COL7A1: variants seen among roughly 807,000 people sequenced by gnomAD.
COL7A1 encodes collagen type VII alpha 1 chain, also known as collagen alpha-1(VII) chain.
A neutral mutation model predicts 456.2 loss-of-function variants in COL7A1; 296 were observed. The observed-to-expected ratio is 0.65, with a 90% confidence interval of 0.59 to 0.71. COL7A1 has a LOEUF of 0.71. COL7A1 is among the 30% of genes least tolerant of loss of function. The pLI is 0.00. For missense variants in COL7A1, 3,441 were observed against 4,017.2 expected (o/e 0.86, Z 3.88); for synonymous variants, 1,464 against 1,525.9 (o/e 0.96, Z 0.95).
rs773400450 is a variant in COL7A1, at chr3:48,575,515, G to A, written c.6004C>T (p.Arg2002Cys). The A allele has an allele frequency of 8.7e-6, 14 of 1,612,742 alleles. No homozygotes were observed. The highest frequency in any genetic ancestry group is 3.3e-5 in the South Asian group (3 of 91,086). ...TCTCCACGGTCGCCCTTCAGCCCGC[G>A]TTCTCCAGGAAAGCCGATGGGGCCC... Reference protein sequence around the residue: ...KEGPIGFPGERGLKGDRGDPG... With the variant: ...KEGPIGFPGECGLKGDRGDPG... The change falls in exon 74 of 119, where the codon CGC becomes TGC. Residue 2002 changes from arginine to cysteine, a missense_variant. Arg to Cys is a radical substitution (Grantham distance 180). Coordinates refer to ENST00000681320, the MANE Select transcript of COL7A1 (RefSeq NM_000094.4). This position sits in a 1 kb window ranked among gnomAD's most constrained non-coding sequence, Gnocchi z 6.3.
chr3:48,565,633 C>T lies in COL7A1; in HGVS notation c.8440+3G>A, dbSNP rs111639610. The T allele has an allele frequency of 1.2e-6, 2 of 1,613,834 alleles. No homozygotes were observed. Among genetic ancestry groups the T allele is most frequent in the African/African-American group, 1.3e-5 (1 of 74,896 alleles). Reference sequence around the variant, plus strand: ...AAAGTTCTGGGAGTAGAAAACTACTCACGTGATCCAGATGCGATGAACTGG... The same window carrying T: ...AAAGTTCTGGGAGTAGAAAACTACTTACGTGATCCAGATGCGATGAACTGG... On this transcript the variant is annotated splice_donor_region_variant and intron_variant, in intron 115 of 118. Coordinates refer to ENST00000681320, the MANE Select transcript of COL7A1 (RefSeq NM_000094.4). The surrounding 1 kb of genome is among the most constrained non-coding windows in gnomAD (Gnocchi z 4.5).
Position 48,588,966 on chromosome 3 carries a change from G to A in COL7A1, c.2344C>T (p.Leu782=). The part of the protein sequence containing the change: ...APEPVGRVSR[L]QILNASSDVL... ...TCGCTGGAAGCATTGAGGATCTGCAGCCTCGACACACGACCCACAGGCTCA... is the reference window on the plus strand; with the variant it reads ...TCGCTGGAAGCATTGAGGATCTGCAACCTCGACACACGACCCACAGGCTCA... The change falls in exon 19 of 119, where the codon CTG becomes TTG. Residue 782 remains leucine (L), a synonymous_variant. Coordinates refer to ENST00000681320, the MANE Select transcript of COL7A1 (RefSeq NM_000094.4). This position sits in a 1 kb window ranked among gnomAD's most constrained non-coding sequence, Gnocchi z 4.6. 6.2e-7 allele frequency: 1 copy of A among 1,613,564 alleles called. No homozygotes were observed. The highest frequency in any genetic ancestry group is 8.5e-7 in the Non-Finnish European group (1 of 1,180,044).
At position 48,588,461 on chromosome 3, in the gene COL7A1, C is replaced by A; in HGVS notation, c.2588-57G>T. 6.3e-7 allele frequency: 1 copy of A among 1,596,996 alleles called. No individual in the cohort carries two copies. The highest frequency in any genetic ancestry group is 1.7e-5 in the Admixed American group (1 of 59,248). ...CTGCCCCCATGGCCCCTGCACCAAT[C>A]CCAGGCCCACCCTGGCACACGCACC... On this transcript the variant is annotated intron_variant, in intron 20 of 118. Coordinates refer to ENST00000681320, the MANE Select transcript of COL7A1 (RefSeq NM_000094.4). This position sits in a 1 kb window ranked among gnomAD's most constrained non-coding sequence, Gnocchi z 4.6.
Position 48,590,883 on chromosome 3 carries a change from G to T in COL7A1, c.1637-67C>A. 1 of 1,367,588 alleles carries T rather than the reference G, an allele frequency of 7.3e-7. No individual in the cohort carries two copies. Among genetic ancestry groups the T allele is most frequent in the South Asian group, 1.1e-5 (1 of 87,522 alleles). 84.7% of individuals were successfully genotyped at this position (1,367,588 alleles called of 1,614,324 possible). On this transcript the variant is annotated intron_variant, in intron 13 of 118. Transcript: ENST00000681320. The surrounding 1 kb of genome is among the most constrained non-coding windows in gnomAD (Gnocchi z 4.6). ...GACAGGGATGTGGGACGATGGCAGT[G>T]ATGGACAGGGACGCAGAGTGAGAAG...
rs775842043 is a variant in COL7A1, at chr3:48,576,852, G to T, written c.5604+32C>A. ...ATATTCCCCCAGGGTCAGGGTCAGG[G>T]GTCAGAGGTTGCAGAAAACTCCAAT... On this transcript the variant is annotated intron_variant, in intron 67 of 118. Coordinates refer to ENST00000681320, the MANE Select transcript of COL7A1 (RefSeq NM_000094.4). 9 of 1,614,032 alleles carry T rather than the reference G, an allele frequency of 5.6e-6. No homozygotes were observed. The Admixed American group carries it at 8.3e-5, about 15-fold the overall frequency.
Position 48,583,878 on chromosome 3 carries a change from G to T in COL7A1, c.4278+22C>A. ...CCCACACCCCTGAGCAGGGCCCCCA[G>T]CAGAGCCTCAAGGCCCCTCACCGGC... On this transcript the variant is annotated intron_variant, in intron 39 of 118. Transcript: ENST00000681320. The surrounding 1 kb of genome is among the most constrained non-coding windows in gnomAD (Gnocchi z 5.1). 6.2e-7 allele frequency: 1 copy of T among 1,613,782 alleles called. No homozygotes were observed. The highest frequency in any genetic ancestry group is 8.5e-7 in the Non-Finnish European group (1 of 1,179,878).
rs751393338 is a variant in COL7A1 at position 48,579,411 on chromosome 3, G to A, written c.5272-7C>T. ...CTCGGACACCTGGGTCCCCCTGGAG[G>A]GAACAGGGTCAGATAAGAGGTGAGG... is the stretch of plus-strand genomic sequence containing the variant. On this transcript the variant is annotated splice_polypyrimidine_tract_variant and splice_region_variant and intron_variant, in intron 60 of 118. Coordinates refer to ENST00000681320, the MANE Select transcript of COL7A1 (RefSeq NM_000094.4). This position sits in a 1 kb window ranked among gnomAD's most constrained non-coding sequence, Gnocchi z 4.4. The A allele has an allele frequency of 1.9e-6, 3 of 1,614,206 alleles. No individual in the cohort carries two copies. Among genetic ancestry groups the A allele is most frequent in the Non-Finnish European group, 2.5e-6 (3 of 1,180,032 alleles).
Position 48,571,611 on chromosome 3 carries a change from T to A in COL7A1, c.7069-333A>T. 1.5e-6 allele frequency: 1 copy of A among 657,550 alleles called. No individual in the cohort carries two copies. The highest frequency in any genetic ancestry group is 2.9e-6 in the Non-Finnish European group (1 of 346,726). The allele number at this position is 657,550 out of a possible 1,614,324, so 40.7% of individuals were successfully genotyped here. ...CAGAGGGGAACCCCAACACGTCCAC[T>A]CCCGGGTAGAGCAGGCATGGCCACA... On this transcript the variant is annotated intron_variant, in intron 92 of 118. Transcript: ENST00000681320. The surrounding 1 kb of genome is among the most constrained non-coding windows in gnomAD (Gnocchi z 4.6).
Position 48,586,135 on chromosome 3 carries a change from C to T in COL7A1, c.3662G>A (p.Ser1221Asn). 6.2e-7 allele frequency: 1 copy of T among 1,613,518 alleles called. No individual in the cohort carries two copies. Among genetic ancestry groups the T allele is most frequent in the Non-Finnish European group, 8.5e-7 (1 of 1,180,042 alleles). ...CAGACCACTGACTGCCTGGTCCAGG[C>T]TTGGCCCATCATCCACGGCGAAGAA... ...QTFFAVDDGP[S>N]LDQAVSGLAT... The change falls in exon 28 of 119, where the codon AGC becomes AAC. Residue 1221 changes from serine to asparagine, a missense_variant. Coordinates refer to ENST00000681320, the MANE Select transcript of COL7A1 (RefSeq NM_000094.4). The surrounding 1 kb of genome is among the most constrained non-coding windows in gnomAD (Gnocchi z 5.1).
intron 71 of COL7A1, 111 bp from the exon 72 acceptor site, chr3:48,576,013 C>G (rs2044275007): frequency 6.4e-7 from 1 of 1,560,956 alleles, no homozygotes; most frequent in East Asian, 2.3e-5. Flanking sequence ...GCCTCTTGCC[C>G]AGAGCACCCT....
chr3:48,569,509 T>C lies in COL7A1; in HGVS notation c.7615-63A>G, dbSNP rs2043777483. 1.2e-6 allele frequency: 2 copies of C among 1,613,008 alleles called. No individual in the cohort carries two copies. Among genetic ancestry groups the C allele is most frequent in the African/African-American group, 1.3e-5 (1 of 74,902 alleles). On this transcript the variant is annotated intron_variant, in intron 102 of 118. Coordinates refer to ENST00000681320, the MANE Select transcript of COL7A1 (RefSeq NM_000094.4). This position sits in a 1 kb window ranked among gnomAD's most constrained non-coding sequence, Gnocchi z 4.9. The stretch of plus-strand genomic sequence containing the variant: ...GAAGGTCCCTCACCCTCTGGGAGTT[T>C]GAGCTCTCAGATGCCCTGGGCCAGC...
At position 48,570,663 on chromosome 3, in the gene COL7A1, C is replaced by T. The variant is rs1437556505; in HGVS notation, c.7320G>A (p.Gly2440=). The change falls in exon 96 of 119, where the codon GGG becomes GGA. Residue 2440 remains glycine (G), a synonymous_variant. Coordinates refer to ENST00000681320, the MANE Select transcript of COL7A1 (RefSeq NM_000094.4). The surrounding 1 kb of genome is among the most constrained non-coding windows in gnomAD (Gnocchi z 5.5). ...PGREGIPGPL[G]PPGPPGSVGP... ...CCACTGACCCCGGTGGTCCAGGTGG[C>T]CCCAGGGGTCCTGGGATTCCTTCTC... The T allele has an allele frequency of 6.3e-7, 1 of 1,594,890 alleles. No homozygotes were observed. Among genetic ancestry groups the T allele is most frequent in the Non-Finnish European group, 8.5e-7 (1 of 1,169,776 alleles).
At chr3:48,576,612 G>T in intron 68 of COL7A1, 55 bp from the exon 69 acceptor site, 1 of 1,592,252 alleles carries the variant, frequency 6.3e-7, no homozygotes, top group Non-Finnish European at 8.5e-7. Context: ...TCCCAGGAGG[G>T]TTGCCCATTG....
At chr3:48,582,207 C>T (rs2044810564) in intron 47 of COL7A1, 116 bp downstream of exon 47, 4 of 1,577,186 alleles carry the variant, frequency 2.5e-6, no homozygotes, top group Non-Finnish European at 2.6e-6. Flanking sequence ...AGCCGCAGAG[C>T]TCCCAGCCTG....
Position 48,592,862 on chromosome 3 carries a change from T to C in COL7A1, c.759A>G (p.Thr253=), listed in dbSNP as rs1575493116. 1 of 1,614,078 alleles carries C rather than the reference T, an allele frequency of 6.2e-7. No homozygotes were observed. The change falls in exon 7 of 119, where the codon ACA becomes ACG. Residue 253 remains threonine (T), a synonymous_variant. Coordinates refer to ENST00000681320, the MANE Select transcript of COL7A1 (RefSeq NM_000094.4). This position sits in a 1 kb window ranked among gnomAD's most constrained non-coding sequence, Gnocchi z 7.6. ...AGCCAGTCACAGGGCCACTGGCCGCTGTCCACTGTACTCTCAAGGATTGGC... is the reference window on the plus strand; with the variant it reads ...AGCCAGTCACAGGGCCACTGGCCGCCGTCCACTGTACTCTCAAGGATTGGC... ...PSSQSLRVQW[T]AASGPVTGYK...
chr3:48,564,874 A>G lies in COL7A1; in HGVS notation c.8727T>C (p.Tyr2909=). The change falls in exon 118 of 119, where the codon TAT becomes TAC. Residue 2909 remains tyrosine, a synonymous_variant. Transcript: ENST00000681320. The surrounding 1 kb of genome is among the most constrained non-coding windows in gnomAD (Gnocchi z 6.0). The stretch of plus-strand genomic sequence containing the variant: ...GGTTGGCATTCCCTCCACAGCCACC[A>G]TAGACAAAAGGGTGACAGGCCTCTG... ...GSTEACHPFV[Y]GGCGGNANRF... The G allele has an allele frequency of 6.2e-7, 1 of 1,614,170 alleles. No homozygotes were observed. Among genetic ancestry groups the G allele is most frequent in the South Asian group, 1.1e-5 (1 of 91,084 alleles).
chr3:48,576,732 T>C lies in COL7A1; in HGVS notation c.5644A>G (p.Ile1882Val). Residue 1882 changes from isoleucine to valine, a missense_variant, in exon 68 of 119, where the codon ATC (isoleucine) becomes GTC (valine). Transcript: ENST00000681320. ...GPKGERGAPGILGPQGPPGLP... is the reference protein window; with the variant it reads ...GPKGERGAPGVLGPQGPPGLP... ...CCTGGAGGCCCCTGGGGTCCAAGGA[T>C]ACCAGGAGCTCCACGCTCACCCTTG... 1.9e-6 allele frequency: 3 copies of C among 1,611,786 alleles called. No individual in the cohort carries two copies. The highest frequency in any genetic ancestry group is 2.5e-6 in the Non-Finnish European group (3 of 1,179,232).
rs1294129252 is a variant in COL7A1, at chr3:48,587,749, G to A, written c.2857+44C>T. The stretch of plus-strand genomic sequence containing the variant: ...AGTCGGGGTGCAGGAAGTCAGGGTG[G>A]GTCATCAGCAGGGGAGGAGCACGCC... On this transcript the variant is annotated intron_variant, in intron 22 of 118. Transcript: ENST00000681320. The surrounding 1 kb of genome is among the most constrained non-coding windows in gnomAD (Gnocchi z 6.1). 1.9e-6 allele frequency: 3 copies of A among 1,613,220 alleles called. No individual in the cohort carries two copies. Among genetic ancestry groups the A allele is most frequent in the Admixed American group, 3.3e-5 (2 of 60,020 alleles).
Position 48,571,380 on chromosome 3 carries a change from A to G in COL7A1, c.7069-102T>C. ...CCAGGGGAGTTCTGATGTGACCATG[A>G]ACACATGGGAACTCAGACATGCGAC... On this transcript the variant is annotated intron_variant, in intron 92 of 118. Coordinates refer to ENST00000681320, the MANE Select transcript of COL7A1 (RefSeq NM_000094.4). The surrounding 1 kb of genome is among the most constrained non-coding windows in gnomAD (Gnocchi z 4.6). The G allele has an allele frequency of 7.1e-7, 1 of 1,408,834 alleles. No individual in the cohort carries two copies. Among genetic ancestry groups the G allele is most frequent in the Non-Finnish European group, 1.0e-6 (1 of 1,003,412 alleles). 87.3% of individuals were successfully genotyped at this position (1,408,834 alleles called of 1,614,324 possible).
Sources: gnomAD v4.1 joint callset for allele counts on GRCh38, gnomAD v4.1.1 for gene constraint, Gnocchi (gnomAD v3.1) non-coding constraint, MANE v1.5 for transcripts, NCBI Gene and HGNC (gene_info 2026-07-23, HGNC 2026-07-21) for gene names.